The following KMT5B variants were observed in gnomAD, a reference collection of about 807,000 sequenced individuals.
KMT5B encodes lysine methyltransferase 5B, also known as histone-lysine N-methyltransferase KMT5B.
In KMT5B, 10 loss-of-function variants were observed where a neutral mutation model predicts 83.2. The observed-to-expected ratio is 0.12, with a 90% CI of 0.07 to 0.20. The LOEUF (loss-of-function observed/expected upper bound fraction) is 0.20, where lower values mean the gene tolerates loss of function less well. Ranked by LOEUF, KMT5B falls within the 10% of genes least tolerant of loss-of-function variation. The pLI is 1.00. For missense variants in KMT5B, 753 were observed against 1,067.2 expected (o/e 0.71, Z 4.10); for synonymous variants, 349 against 388.8 (o/e 0.90, Z 1.20).
intron 5 of KMT5B, among the ~76,000 whole-genome samples, chr11:68,174,404 A>G (rs1856148169): frequency 1.3e-5 from 2 of 152,300 alleles, no homozygotes; most frequent in South Asian, 4.1e-4. Flanking sequence ...TCGGTGTTCA[A>G]AAAGTTTCAG....
chr11:68,164,129 T>C (rs192658459), intron 10 of KMT5B, among the ~76,000 whole-genome samples: 23 of 152,352 alleles, frequency 1.5e-4, no homozygotes, highest in Non-Finnish European at 7.3e-5. Flanking sequence ...ACCTGTGGAC[T>C]GGATTTGTGA....
chr11:68,189,857 T>C (rs925012372), intron 2 of KMT5B, 60 bp downstream of exon 2: 22 of 1,502,714 alleles, frequency 1.5e-5, no homozygotes, highest in Non-Finnish European at 1.8e-5. Flanking sequence ...CATTACAAAC[T>C]GGAAAGAATT....
intron 1 of KMT5B, among the ~76,000 whole-genome samples, chr11:68,204,808 G>A (rs1474073537): frequency 6.6e-6 from 1 of 151,766 alleles, no homozygotes; most frequent in Non-Finnish European, 1.5e-5. Flanking sequence ...GTAGAGATGG[G>A]GTTTCGCCAT....
chr11:68,166,856 G>C, intron 10 of KMT5B, 126 bp downstream of exon 10: 1 of 1,477,124 alleles, frequency 6.8e-7, no homozygotes, highest in Non-Finnish European at 9.0e-7. Flanking sequence ...TTGAAGTGCA[G>C]CCAAAGCTCA....
intron 1 of KMT5B, among the ~76,000 whole-genome samples, chr11:68,193,581 T>C (rs1306466458): frequency 6.6e-6 from 1 of 152,202 alleles, no homozygotes; most frequent in East Asian, 1.9e-4. Context: ...TTTTTTCTGG[T>C]TCCCTTACTA....
At chr11:68,209,173 T>C (rs1384466541) in intron 1 of KMT5B, among the ~76,000 whole-genome samples, 2 of 152,204 alleles carry the variant, frequency 1.3e-5, no homozygotes, top group African/African-American at 4.8e-5. Flanking sequence ...CAGAGACCAT[T>C]AAAATGTATC....
chr11:68,191,873 C>T (rs1858122172), intron 1 of KMT5B, among the ~76,000 whole-genome samples: 1 of 152,236 alleles, frequency 6.6e-6, no homozygotes, highest in African/African-American at 2.4e-5. Context: ...CTCACTGACT[C>T]ATCCAGAGCA....
At chr11:68,196,162 A>G (rs1008173745) in intron 1 of KMT5B, among the ~76,000 whole-genome samples, 1 of 152,004 alleles carries the variant, frequency 6.6e-6, no homozygotes, top group Non-Finnish European at 1.5e-5. Flanking sequence ...GTCTAAAATA[A>G]AATAAAATAA....
At chr11:68,185,009 T>TA (rs1169137537) in intron 3 of KMT5B, among the ~76,000 whole-genome samples, 1 of 152,118 alleles carries the variant, frequency 6.6e-6, no homozygotes, top group Non-Finnish European at 1.5e-5. Flanking sequence ...TATTCGCTCT[T>TA]AAATAATTAG....
chr11:68,160,738 G>A (rs905023809), intron 10 of KMT5B, among the ~76,000 whole-genome samples: 2 of 152,120 alleles, frequency 1.3e-5, no homozygotes, highest in African/African-American at 4.8e-5. Context: ...CCTGAGGTCA[G>A]GAGTTCGAGA....
At chr11:68,162,375 A>G (rs1028798484) in intron 10 of KMT5B, among the ~76,000 whole-genome samples, 9 of 152,096 alleles carry the variant, frequency 5.9e-5, no homozygotes, top group African/African-American at 2.2e-4. Context: ...CTTTGACTCA[A>G]ACTCCCCTCT....
chr11:68,166,788 G>A, intron 10 of KMT5B, 194 bp downstream of exon 10: 1 of 1,423,846 alleles, frequency 7.0e-7, no homozygotes, highest in South Asian at 1.6e-5. Context: ...CTAGAGGACG[G>A]TACTGAAGTT....
At position 68,204,611 on chromosome 11, in the gene KMT5B, GTTTTTT is replaced by G. The variant is rs34315868; in HGVS notation, c.-77+8521_-77+8526del. 1.5e-4 allele frequency among the ~76,000 whole-genome samples: 16 copies of G among 106,150 alleles called. No individual in the cohort carries two copies. The East Asian group carries it at 2.4e-3, about 16-fold the overall frequency. 69.6% of individuals were successfully genotyped at this position (106,150 alleles called of 152,430 possible). On this transcript the variant is annotated intron_variant, in intron 1 of 10. Coordinates refer to ENST00000304363, the MANE Select transcript of KMT5B (RefSeq NM_017635.5). ...AAAACCGTGAGAGAATAAATTTCCG[GTTTTTT>G]TTTTTTTTTTTTTTTTTTGACACAG... is the stretch of plus-strand genomic sequence containing the variant.
intron 1 of KMT5B, among the ~76,000 whole-genome samples, chr11:68,192,761 C>T (rs552925686): frequency 6.6e-6 from 1 of 152,278 alleles, no homozygotes; most frequent in East Asian, 1.9e-4. Flanking sequence ...TAAAGGACTT[C>T]ATATCTCTTT....
At chr11:68,178,429 T>G (rs1856585952) in intron 4 of KMT5B, among the ~76,000 whole-genome samples, 1 of 152,230 alleles carries the variant, frequency 6.6e-6, no homozygotes, top group Non-Finnish European at 1.5e-5. Context: ...CTTCCCTGTG[T>G]TGACTTCTGT....
intron 9 of KMT5B, among the ~76,000 whole-genome samples, chr11:68,168,525 G>A (rs1438528263): frequency 1.3e-5 from 2 of 152,020 alleles, no homozygotes; most frequent in Non-Finnish European, 2.9e-5. Context: ...TAGTAGAGAC[G>A]GGGTTTTGCC....
rs1469118814 is a variant in KMT5B at position 68,197,117 on chromosome 11, C to T, written c.-76-6965G>A. On this transcript the variant is annotated intron_variant, in intron 1 of 10. Transcript: ENST00000304363. Reference sequence around the variant, plus strand: ...TCCCGAGTAGCTAGGACTACAGGTGCGCACCACCACACCTGGCTAATTTTT... The same window carrying T: ...TCCCGAGTAGCTAGGACTACAGGTGTGCACCACCACACCTGGCTAATTTTT... Among the ~76,000 whole-genome samples the T allele has an allele frequency of 9.2e-5, 14 of 152,120 alleles. No homozygotes were observed. In the East Asian group the frequency reaches 1.2e-3, roughly 13 times the overall value.
At chr11:68,169,422 T>C (rs1040403468) in intron 9 of KMT5B, among the ~76,000 whole-genome samples, 3 of 152,248 alleles carry the variant, frequency 2.0e-5, no homozygotes, top group Non-Finnish European at 4.4e-5. Context: ...GGTACTGTTC[T>C]GTATTCTGGG....
intron 2 of KMT5B, among the ~76,000 whole-genome samples, chr11:68,186,416 G>C (rs1315573443): frequency 6.6e-6 from 1 of 152,210 alleles, no homozygotes. Context: ...TAGGGCAGGT[G>C]AATGATTATT....
Sources: gnomAD v4.1 joint callset for allele counts (sites outside exome capture counted in the v4.1 genomes callset) on GRCh38, gnomAD v4.1.1 for gene constraint, MANE v1.5 for transcripts, NCBI Gene and HGNC (gene_info 2026-07-23, HGNC 2026-07-21) for gene names.